Variants in LGSN observed in about 807,000 individuals in gnomAD.
LGSN encodes lengsin.
A neutral mutation model predicts 19.5 loss-of-function variants in LGSN; 21 were observed. That is an observed-to-expected ratio of 1.07 (90% CI 0.76 to 1.55). The LOEUF (loss-of-function observed/expected upper bound fraction) is 1.55. Ranked by LOEUF, LGSN falls within the 40% of genes most tolerant of loss-of-function variation. The probability of loss-of-function intolerance (pLI) is 0.00; values close to 1 mark genes in which losing one functional copy is unlikely to be tolerated. For synonymous variants in LGSN, 257 were observed against 215.6 expected (o/e 1.19, Z -1.68); for missense variants, 673 against 608.5 (o/e 1.11, Z -1.12).
chr6:63,349,359 G>A, the LGSN span, among the ~76,000 whole-genome samples: 1 of 152,254 alleles, frequency 6.6e-6, no homozygotes, highest in East Asian at 1.9e-4. Flanking sequence ...AACATGGTTG[G>A]TAGAATTCTA....
chr6:63,544,797 T>C, the LGSN span, among the ~76,000 whole-genome samples: 2 of 152,194 alleles, frequency 1.3e-5, no homozygotes, highest in African/African-American at 4.8e-5. Context: ...ACGTATCCTA[T>C]CAGGAAATGC....
chr6:63,542,108 T>A, the LGSN span, among the ~76,000 whole-genome samples: 3 of 150,770 alleles, frequency 2.0e-5, no homozygotes, highest in Non-Finnish European at 2.9e-5. Flanking sequence ...AGGAATAAAT[T>A]AATGGCATTC....
the LGSN span, among the ~76,000 whole-genome samples, chr6:63,520,711 A>G: frequency 1.3e-5 from 2 of 152,026 alleles, no homozygotes; most frequent in African/African-American, 2.4e-5. Context: ...CTTTGGCACA[A>G]TTGTTCACCT....
the LGSN span, among the ~76,000 whole-genome samples, chr6:63,496,582 G>C: frequency 6.6e-5 from 10 of 150,486 alleles, no homozygotes; most frequent in African/African-American, 2.4e-4. Flanking sequence ...GTTATAAAGT[G>C]TTTATTATTT....
chr6:63,538,295 C>T, the LGSN span, among the ~76,000 whole-genome samples: 2 of 152,116 alleles, frequency 1.3e-5, no homozygotes, highest in Non-Finnish European at 2.9e-5. Context: ...TCTCTAGCAA[C>T]AAGATTTCAA....
chr6:63,441,523 C>T, the LGSN span: 1 of 420,330 alleles, frequency 2.4e-6, no homozygotes, highest in Non-Finnish European at 4.6e-6. Context: ...GAAGGCTGTA[C>T]AGACAGACCA....
chr6:63,456,558 G>T, the LGSN span, among the ~76,000 whole-genome samples: 1 of 151,396 alleles, frequency 6.6e-6, no homozygotes, highest in Non-Finnish European at 1.5e-5. Context: ...TGTTCAGGTT[G>T]ACAGTTATTA....
the LGSN span, among the ~76,000 whole-genome samples, chr6:63,482,083 C>T: frequency 6.6e-6 from 1 of 152,168 alleles, no homozygotes; most frequent in African/African-American, 2.4e-5. Flanking sequence ...CAACAGAACT[C>T]CATCCTTTAA....
the LGSN span, among the ~76,000 whole-genome samples, chr6:63,547,536 T>C: frequency 1.5e-5 from 2 of 131,412 alleles, no homozygotes; most frequent in Non-Finnish European, 3.2e-5. Context: ...GATGGAGTCT[T>C]GCTCTGTCGC....
chr6:63,394,179 A>G, the LGSN span, among the ~76,000 whole-genome samples: 1 of 152,104 alleles, frequency 6.6e-6, no homozygotes, highest in Non-Finnish European at 1.5e-5. Context: ...CAAGAGAATC[A>G]CTTGAAACCA....
chr6:63,315,351 G>T (rs1335213325), intron 1 of LGSN, among the ~76,000 whole-genome samples: 1 of 151,994 alleles, frequency 6.6e-6, no homozygotes, highest in Non-Finnish European at 1.5e-5. Flanking sequence ...GATAAAATAT[G>T]GCATGGACTT....
chr6:63,427,201 C>G, the LGSN span, among the ~76,000 whole-genome samples: 1 of 151,906 alleles, frequency 6.6e-6, no homozygotes, highest in Admixed American at 6.6e-5. Context: ...TGTGCCACCA[C>G]ACCTGGCTAA....
chr6:63,457,842 G>A, the LGSN span, among the ~76,000 whole-genome samples: 1 of 152,102 alleles, frequency 6.6e-6, no homozygotes, highest in Non-Finnish European at 1.5e-5. Context: ...TTGCACCACT[G>A]CACTCGAGCC....
the LGSN span, among the ~76,000 whole-genome samples, chr6:63,458,843 A>T: frequency 6.6e-6 from 1 of 152,208 alleles, no homozygotes; most frequent in Non-Finnish European, 1.5e-5. Flanking sequence ...CATGCAGTGT[A>T]TTTTCCATCA....
At chr6:63,533,218 C>A in the LGSN span, among the ~76,000 whole-genome samples, 1 of 152,074 alleles carries the variant, frequency 6.6e-6, no homozygotes, top group African/African-American at 2.4e-5. Context: ...CTGGTATCTA[C>A]TAAAAATACA....
the LGSN span, among the ~76,000 whole-genome samples, chr6:63,548,015 T>C: frequency 1.3e-5 from 2 of 152,224 alleles, no homozygotes; most frequent in Non-Finnish European, 2.9e-5. Flanking sequence ...ACTTGTTTAA[T>C]TCCCTCTAGG....
the LGSN span, among the ~76,000 whole-genome samples, chr6:63,430,359 C>A: frequency 6.6e-6 from 1 of 152,156 alleles, no homozygotes; most frequent in Non-Finnish European, 1.5e-5. Context: ...TGCCACATCT[C>A]CATAAGTGGA....
chr6:63,437,822 T>G, the LGSN span, among the ~76,000 whole-genome samples: 6 of 151,914 alleles, frequency 3.9e-5, no homozygotes, highest in Non-Finnish European at 4.4e-5. Context: ...CCCAGCTACT[T>G]GGGAGGCTGA....
At chr6:63,451,693 C>T in the LGSN span, among the ~76,000 whole-genome samples, 8 of 151,772 alleles carry the variant, frequency 5.3e-5, no homozygotes, top group Non-Finnish European at 4.4e-5. Context: ...ACAACAAACC[C>T]CCATGACACA....
Sources: allele counts gnomAD v4.1 joint callset (sites outside exome capture counted in the v4.1 genomes callset), GRCh38; gene constraint gnomAD v4.1.1; transcripts MANE v1.5; gene names NCBI Gene and HGNC (gene_info 2026-07-23, HGNC 2026-07-21).